LPP: variants seen among roughly 807,000 people sequenced by gnomAD.
LPP encodes the protein LIM domain containing preferred translocation partner in lipoma.
LPP carries 38 observed loss-of-function variants against 60.4 expected under a neutral mutation model. That is an observed-to-expected ratio of 0.63 (90% CI 0.49 to 0.83). The LOEUF (loss-of-function observed/expected upper bound fraction) is 0.83, where lower values mean the gene tolerates loss of function less well. Ranked by LOEUF, LPP falls within the 40% of genes least tolerant of loss-of-function variation. The probability of loss-of-function intolerance (pLI) is 0.00; values close to 1 mark genes in which losing one functional copy is unlikely to be tolerated. For missense variants in LPP, 902 were observed against 783.6 expected, an observed-to-expected ratio of 1.15 and a Z score of -1.80; for synonymous variants, 328 against 290.8, an observed-to-expected ratio of 1.13 and a Z score of -1.30.
At chr3:188,239,151 C>T (rs1043612915) in intron 2 of LPP, among the ~76,000 whole-genome samples, 1 of 152,206 alleles carries the variant, frequency 6.6e-6, no homozygotes, top group Non-Finnish European at 1.5e-5. Context: ...GGTTTCCCTC[C>T]ATGGCAGAGG....
intron 1 of LPP, among the ~76,000 whole-genome samples, chr3:188,207,828 T>C (rs73887383): frequency 3.9e-3 from 589 of 152,194 alleles, no homozygotes; most frequent in African/African-American, 0.014. Context: ...TTTTAATTCC[T>C]AGCCCAAAAG....
At chr3:188,515,815 G>T (rs956188574) in intron 5 of LPP, among the ~76,000 whole-genome samples, 3 of 152,114 alleles carry the variant, frequency 2.0e-5, no homozygotes, top group South Asian at 2.1e-4. Flanking sequence ...TTTAGGGAAG[G>T]GGACTGTTTT....
At chr3:188,777,499 G>A (rs1199199827) in intron 9 of LPP, among the ~76,000 whole-genome samples, 1 of 152,134 alleles carries the variant, frequency 6.6e-6, no homozygotes, top group Non-Finnish European at 1.5e-5. Context: ...AGATAAATGG[G>A]AATTATTTTA....
At chr3:188,550,730 C>G (rs1158249198) in intron 6 of LPP, among the ~76,000 whole-genome samples, 1 of 152,014 alleles carries the variant, frequency 6.6e-6, no homozygotes, top group African/African-American at 2.4e-5. Context: ...GGTTAGTTAA[C>G]TGGAAAGGCT....
chr3:188,788,700 C>T (rs891640020), intron 9 of LPP, among the ~76,000 whole-genome samples: 10 of 152,264 alleles, frequency 6.6e-5, no homozygotes, highest in African/African-American at 1.9e-4. Flanking sequence ...GACTACAGAA[C>T]CCTTTGTATA....
chr3:188,441,225 C>G (rs1363953086), intron 4 of LPP, among the ~76,000 whole-genome samples: 1 of 152,086 alleles, frequency 6.6e-6, no homozygotes, highest in Non-Finnish European at 1.5e-5. Flanking sequence ...ATCTCAACAA[C>G]TAGTGTGTTC....
chr3:188,871,246 A>T (rs911337293), intron 10 of LPP, among the ~76,000 whole-genome samples: 8 of 152,350 alleles, frequency 5.3e-5, no homozygotes, highest in Admixed American at 3.9e-4. Flanking sequence ...AGTTGATCCC[A>T]GAAGCCTACT....
chr3:188,245,845 C>T (rs1032669254), intron 2 of LPP, among the ~76,000 whole-genome samples: 1 of 152,070 alleles, frequency 6.6e-6, no homozygotes, highest in Non-Finnish European at 1.5e-5. Context: ...CCCAGCCCAG[C>T]CCTGCTTTCA....
At chr3:188,565,807 G>A (rs916911086) in intron 6 of LPP, among the ~76,000 whole-genome samples, 1 of 151,934 alleles carries the variant, frequency 6.6e-6, no homozygotes, top group African/African-American at 2.4e-5. Context: ...TAAGCTTCAA[G>A]GTTATTTTTA....
At chr3:188,701,767 A>G (rs948524722) in intron 7 of LPP, among the ~76,000 whole-genome samples, 5 of 151,898 alleles carry the variant, frequency 3.3e-5, no homozygotes, top group African/African-American at 1.2e-4. Flanking sequence ...TTTTTTTGAA[A>G]GTGTCAGTGG....
At chr3:188,735,141 C>G (rs1175663313) in intron 8 of LPP, among the ~76,000 whole-genome samples, 1 of 152,054 alleles carries the variant, frequency 6.6e-6, no homozygotes, top group Non-Finnish European at 1.5e-5. Context: ...ACATCATTTA[C>G]TGACCCACTG....
At chr3:188,453,735 C>T (rs1049541414) in intron 4 of LPP, among the ~76,000 whole-genome samples, 3 of 151,964 alleles carry the variant, frequency 2.0e-5, no homozygotes, top group Non-Finnish European at 4.4e-5. Flanking sequence ...ATTAAGTCTC[C>T]CCTGATTCTT....
chr3:188,813,474 G>A (rs933429267), intron 9 of LPP, among the ~76,000 whole-genome samples: 2 of 152,124 alleles, frequency 1.3e-5, no homozygotes, highest in African/African-American at 2.4e-5. Flanking sequence ...AAAAGGCTAC[G>A]GGTAGTGATA....
intron 2 of LPP, among the ~76,000 whole-genome samples, chr3:188,265,790 T>G (rs1223136976): frequency 6.6e-6 from 1 of 151,780 alleles, no homozygotes; most frequent in Non-Finnish European, 1.5e-5. Flanking sequence ...CTTCCTGTAA[T>G]GTTGGAGGCT....
At chr3:188,267,912 C>G (rs1871520) in intron 2 of LPP, among the ~76,000 whole-genome samples, 96,490 of 151,870 alleles carry the variant, frequency 0.64, 31,516 homozygotes, top group African/African-American at 0.79. Context: ...TTCTTACACT[C>G]AGCTGAGTGG....
At chr3:188,375,083 T>C (rs1193072312) in intron 3 of LPP, among the ~76,000 whole-genome samples, 1 of 152,196 alleles carries the variant, frequency 6.6e-6, no homozygotes, top group Admixed American at 6.5e-5. Context: ...GATAAGCTTC[T>C]TGACGTGCTG....
chr3:188,766,104 T>G lies in LPP; in HGVS notation c.1410+5822T>G, dbSNP rs555899927. Among the ~76,000 whole-genome samples the G allele has an allele frequency of 4.0e-3, 609 of 152,032 alleles. 3 individuals carry two copies. Among genetic ancestry groups the G allele is most frequent in the African/African-American group, 7.0e-3 (291 of 41,484 alleles). On this transcript the variant is annotated intron_variant, in intron 9 of 11. Coordinates refer to ENST00000617246, the MANE Select transcript of LPP (RefSeq NM_001375462.1). ...CCAGGCTGGTCTCAAACTCCTGACC[T>G]CAGGTTATCCACTGCCTTGGCCTCC... is the stretch of plus-strand genomic sequence containing the variant.
intron 2 of LPP, among the ~76,000 whole-genome samples, chr3:188,316,007 C>T (rs1414640794): frequency 6.6e-6 from 1 of 152,228 alleles, no homozygotes. Flanking sequence ...GGCGCGGTGG[C>T]TTACGCCTAT....
intron 3 of LPP, among the ~76,000 whole-genome samples, chr3:188,374,769 A>G (rs1774434869): frequency 2.0e-5 from 3 of 152,154 alleles, no homozygotes; most frequent in Admixed American, 2.0e-4. Context: ...GAGAGAGGGC[A>G]TCCCTGTCTT....
Sources: gnomAD v4.1 joint callset for allele counts (sites outside exome capture counted in the v4.1 genomes callset) on GRCh38, gnomAD v4.1.1 for gene constraint, MANE v1.5 for transcripts, NCBI Gene and HGNC (gene_info 2026-07-23, HGNC 2026-07-21) for gene names.